Variants in CDH23 observed in about 807,000 individuals in gnomAD.
The protein encoded by CDH23 is cadherin related 23.
A neutral mutation model predicts 317.1 loss-of-function variants in CDH23; 189 were observed. That is an observed-to-expected ratio of 0.60 (90% CI 0.53 to 0.67). The LOEUF (loss-of-function observed/expected upper bound fraction) is 0.67, where lower values mean the gene tolerates loss of function less well. Ranked by LOEUF, CDH23 falls within the 30% of genes least tolerant of loss-of-function variation. The pLI is 0.00. For missense variants in CDH23, 4,401 were observed against 4,592.4 expected (o/e 0.96, Z 1.20); for synonymous variants, 1,839 against 1,876.8 (o/e 0.98, Z 0.52).
At chr10:71,592,750 C>T (rs570755895) in intron 9 of CDH23, among the ~76,000 whole-genome samples, 30 of 152,322 alleles carry the variant, frequency 2.0e-4, no homozygotes, top group African/African-American at 6.3e-4. Flanking sequence ...GAGCTTGCAG[C>T]GTTTCGGACC....
intron 3 of CDH23, among the ~76,000 whole-genome samples, chr10:71,483,633 C>T (rs1025873580): frequency 6.6e-6 from 1 of 152,208 alleles, no homozygotes; most frequent in Admixed American, 6.5e-5. Flanking sequence ...CTCACCCTTT[C>T]CTGGGCCTTC....
At chr10:71,481,426 G>A (rs1412973405) in intron 3 of CDH23, among the ~76,000 whole-genome samples, 1 of 152,146 alleles carries the variant, frequency 6.6e-6, no homozygotes, top group Non-Finnish European at 1.5e-5. Context: ...GGGGGGAAAG[G>A]CAGGAGACCC....
chr10:71,503,974 A>G (rs1853491627), intron 3 of CDH23, among the ~76,000 whole-genome samples: 1 of 152,104 alleles, frequency 6.6e-6, no homozygotes, highest in Non-Finnish European at 1.5e-5. Context: ...TGTGAGATTC[A>G]GTGATGGATG....
intron 33 of CDH23, 48 bp from the exon 34 acceptor site, chr10:71,734,608 T>A (rs373818946): frequency 1.3e-6 from 2 of 1,575,724 alleles, no homozygotes; most frequent in Non-Finnish European, 1.7e-6. Flanking sequence ...ACCATTTGCA[T>A]CTTTGCCTTT....
At chr10:71,571,958 A>C (rs1423081690) in intron 8 of CDH23, among the ~76,000 whole-genome samples, 1 of 152,184 alleles carries the variant, frequency 6.6e-6, no homozygotes, top group African/African-American at 2.4e-5. Flanking sequence ...CTGACCCCTC[A>C]TTTGGAGACC....
chr10:71,803,978 T>C (rs10823850), intron 55 of CDH23, among the ~76,000 whole-genome samples: 48,890 of 121,806 alleles, frequency 0.4, 8,675 homozygotes, highest in East Asian at 0.63. Context: ...GAGTGAGACT[T>C]TGTCAAAAAA....
At chr10:71,768,381 G>T (rs375544655) in intron 38 of CDH23, among the ~76,000 whole-genome samples, 2 of 152,170 alleles carry the variant, frequency 1.3e-5, no homozygotes, top group African/African-American at 4.8e-5. Flanking sequence ...ACGTTGGCCA[G>T]GCTGGTCTTG....
intron 9 of CDH23, among the ~76,000 whole-genome samples, chr10:71,587,419 C>G (rs1236838430): frequency 6.6e-6 from 1 of 152,146 alleles, no homozygotes; most frequent in Non-Finnish European, 1.5e-5. Flanking sequence ...CATGCTAGAC[C>G]CTGGGGACCA....
At chr10:71,680,990 C>T (rs28469437) in intron 17 of CDH23, among the ~76,000 whole-genome samples, 26,102 of 150,836 alleles carry the variant, frequency 0.17, 2,549 homozygotes, top group Non-Finnish European at 0.22. Flanking sequence ...CCACGCCCAG[C>T]TAATTTTTGT....
At chr10:71,600,435 A>G (rs1430526595) in intron 9 of CDH23, among the ~76,000 whole-genome samples, 2 of 152,026 alleles carry the variant, frequency 1.3e-5, no homozygotes, top group African/African-American at 4.8e-5. Context: ...CACAATGCCC[A>G]TGAGCACATT....
chr10:71,651,872 C>T (rs1447831720), intron 14 of CDH23, among the ~76,000 whole-genome samples: 1 of 152,198 alleles, frequency 6.6e-6, no homozygotes. Context: ...TGGCCTCTTG[C>T]AGCATGGGGC....
Position 71,807,639 on chromosome 10 carries a change from G to A in CDH23, c.8432G>A (p.Trp2811Ter), listed in dbSNP as rs1841773052. 1.2e-6 allele frequency: 2 copies of A among 1,613,956 alleles called. No individual in the cohort carries two copies. The highest frequency in any genetic ancestry group is 1.1e-5 in the South Asian group (1 of 91,074). ...FIVKASSNRSWTPPRGPSPTL... is the reference protein window; with the variant it reads ...FIVKASSNRS ...GTCAAGGCCTCCAGCAATCGCAGCTGGACACCTCCCCGTGGACCCTCCCCA... is the reference window on the plus strand; with the variant it reads ...GTCAAGGCCTCCAGCAATCGCAGCTAGACACCTCCCCGTGGACCCTCCCCA... The change falls in exon 59 of 70, where the codon TGG becomes TAG. Residue 2811 changes from tryptophan (W) to a stop codon, truncating the protein, a stop_gained. Transcript: ENST00000224721. LOFTEE classifies it high-confidence loss of function.
At chr10:71,729,407 C>T (rs1470692777) in intron 30 of CDH23, among the ~76,000 whole-genome samples, 3 of 152,202 alleles carry the variant, frequency 2.0e-5, no homozygotes, top group African/African-American at 4.8e-5. Flanking sequence ...GCTAGGCCTC[C>T]GTCCCCCAGG....
intron 9 of CDH23, among the ~76,000 whole-genome samples, chr10:71,584,047 G>A (rs543042556): frequency 6.6e-6 from 1 of 152,296 alleles, no homozygotes; most frequent in East Asian, 1.9e-4. Flanking sequence ...CTCTGTGGGT[G>A]CGCCCGGGCA....
intron 3 of CDH23, among the ~76,000 whole-genome samples, chr10:71,506,455 G>A (rs970887509): frequency 3.3e-5 from 5 of 152,228 alleles, no homozygotes; most frequent in Non-Finnish European, 7.3e-5. Flanking sequence ...GAGATGCAAG[G>A]TATATTGTTT....
Position 71,811,544 on chromosome 10 carries a change from CTGGCCGCCA to C in CDH23, c.9235_9243del (p.Ala3079_Met3081del), listed in dbSNP as rs1324275889. 6.2e-7 allele frequency: 1 copy of C among 1,613,852 alleles called. No homozygotes were observed. The highest frequency in any genetic ancestry group is 1.3e-5 in the African/African-American group (1 of 74,924). ...CATCGTCCTGGCTATCCTCCTGTTC[CTGGCCGCCA>C]TGCTCTTTGTCCTCATGAACTGGTA... On this transcript the variant is annotated inframe_deletion, in exon 64 of 70. Transcript: ENST00000224721.
intron 3 of CDH23, among the ~76,000 whole-genome samples, chr10:71,459,078 A>T (rs143974884): frequency 0.048 from 5,598 of 117,786 alleles, 160 homozygotes; most frequent in Middle Eastern, 0.095. Flanking sequence ...GAGCCACCAC[A>T]CCTGGCCTTT....
chr10:71,440,406 C>T (rs1250970494), intron 2 of CDH23, among the ~76,000 whole-genome samples: 5 of 152,274 alleles, frequency 3.3e-5, no homozygotes, highest in South Asian at 2.1e-4. Context: ...GAAAGATGGG[C>T]GCGGCTCCAG....
chr10:71,722,675 C>G (rs1866613691), intron 28 of CDH23, among the ~76,000 whole-genome samples: 1 of 152,194 alleles, frequency 6.6e-6, no homozygotes, highest in East Asian at 1.9e-4. Context: ...GCTATAATTT[C>G]ATATGCAGTG....
Sources: allele counts gnomAD v4.1 joint callset (sites outside exome capture counted in the v4.1 genomes callset), GRCh38; gene constraint gnomAD v4.1.1; transcripts MANE v1.5; gene names NCBI Gene and HGNC (gene_info 2026-07-23, HGNC 2026-07-21).